Variants in NRG3 observed in about 807,000 individuals in gnomAD.
The protein encoded by NRG3 is neuregulin 3.
NRG3 carries 31 observed loss-of-function variants against 66.9 expected under a neutral mutation model. The observed-to-expected ratio is 0.46, with a 90% CI of 0.35 to 0.63. The LOEUF is 0.63. NRG3 is among the 20% of genes least tolerant of loss of function. NRG3 has a pLI of 0.00. For missense variants in NRG3, 910 were observed against 878.9 expected (o/e 1.04, Z -0.45); for synonymous variants, 393 against 359.4 (o/e 1.09, Z -1.06).
At chr10:82,055,787 T>C (rs2063818012) in intron 1 of NRG3, among the ~76,000 whole-genome samples, 1 of 152,046 alleles carries the variant, frequency 6.6e-6, no homozygotes, top group Non-Finnish European at 1.5e-5. Flanking sequence ...CAATCTTATG[T>C]CGATGAGAAG....
intron 2 of NRG3, among the ~76,000 whole-genome samples, chr10:82,472,218 T>A (rs1162798333): frequency 6.6e-6 from 1 of 152,204 alleles, no homozygotes; most frequent in Non-Finnish European, 1.5e-5. Context: ...TCCCAGAGCC[T>A]GGGGCATTGA....
intron 1 of NRG3, among the ~76,000 whole-genome samples, chr10:81,940,584 C>A (rs1035838705): frequency 2.0e-5 from 3 of 151,950 alleles, no homozygotes; most frequent in African/African-American, 4.8e-5. Context: ...TAGTCTTGAA[C>A]TCCTAGCCTC....
intron 1 of NRG3, among the ~76,000 whole-genome samples, chr10:81,929,473 C>T (rs570341655): frequency 1.5e-4 from 23 of 152,262 alleles, no homozygotes; most frequent in South Asian, 6.2e-4. Context: ...ACCCAGCGGC[C>T]GTTTTGCATG....
chr10:82,686,270 C>A (rs1175512316), intron 2 of NRG3, among the ~76,000 whole-genome samples: 3 of 151,816 alleles, frequency 2.0e-5, no homozygotes, highest in African/African-American at 7.3e-5. Context: ...TCACTGCAAC[C>A]TCTGCCTCCT....
intron 1 of NRG3, among the ~76,000 whole-genome samples, chr10:81,964,395 C>CAAAAAAA (rs58231167): frequency 4.6e-5 from 3 of 65,844 alleles, no homozygotes; most frequent in Non-Finnish European, 6.5e-5. Flanking sequence ...GACTCTGTCT[C>CAAAAAAA]AAAAAAAAAA....
chr10:82,083,816 T>G (rs933489859), intron 1 of NRG3, among the ~76,000 whole-genome samples: 3 of 151,354 alleles, frequency 2.0e-5, no homozygotes, highest in Non-Finnish European at 4.4e-5. Context: ...GGGGTTTCGC[T>G]GTGTTGGTCA....
intron 2 of NRG3, among the ~76,000 whole-genome samples, chr10:82,382,342 T>A (rs1347306809): frequency 6.6e-6 from 1 of 151,378 alleles, no homozygotes; most frequent in Non-Finnish European, 1.5e-5. Flanking sequence ...AGCTTATAGG[T>A]TTTTATGGAC....
intron 1 of NRG3, among the ~76,000 whole-genome samples, chr10:81,885,475 T>C (rs957186354): frequency 6.6e-6 from 1 of 152,166 alleles, no homozygotes; most frequent in Non-Finnish European, 1.5e-5. Flanking sequence ...AAGGGGAACA[T>C]TGGTGAGACC....
intron 1 of NRG3, among the ~76,000 whole-genome samples, chr10:82,087,678 G>T (rs2065805287): frequency 6.6e-6 from 1 of 152,084 alleles, no homozygotes; most frequent in East Asian, 1.9e-4. Context: ...GAATTTTAAA[G>T]AATGATTTAA....
intron 2 of NRG3, among the ~76,000 whole-genome samples, chr10:82,561,604 G>T (rs2133017811): frequency 6.6e-6 from 1 of 152,288 alleles, no homozygotes; most frequent in African/African-American, 2.4e-5. Context: ...AGTGGGCCAA[G>T]ATGGCACCAC....
chr10:82,629,868 C>A (rs2133709161), intron 2 of NRG3, among the ~76,000 whole-genome samples: 1 of 152,254 alleles, frequency 6.6e-6, no homozygotes, highest in African/African-American at 2.4e-5. Context: ...AAAATGATTT[C>A]CTCAAGAATA....
intron 2 of NRG3, among the ~76,000 whole-genome samples, chr10:82,370,365 C>G (rs1462612078): frequency 7.2e-6 from 1 of 138,056 alleles, no homozygotes; most frequent in East Asian, 2.2e-4. Flanking sequence ...CTGCTGAACT[C>G]CCCTCAGCAT....
intron 3 of NRG3, among the ~76,000 whole-genome samples, chr10:82,817,020 T>C (rs766776038): frequency 1.6e-4 from 24 of 152,250 alleles, no homozygotes; most frequent in Non-Finnish European, 2.2e-4. Context: ...TGTACTTATC[T>C]ATGAAGTAGA....
intron 1 of NRG3, among the ~76,000 whole-genome samples, chr10:82,264,644 A>C: frequency 6.6e-6 from 1 of 152,210 alleles, no homozygotes; most frequent in Non-Finnish European, 1.5e-5. Context: ...AAGTCGGGAA[A>C]AGGAAGATTT....
intron 1 of NRG3, among the ~76,000 whole-genome samples, chr10:82,356,921 G>A (rs1217110239): frequency 1.3e-5 from 2 of 152,148 alleles, no homozygotes; most frequent in Non-Finnish European, 1.5e-5. Context: ...AGATTTTGGA[G>A]ATATTTTTCT....
intron 1 of NRG3, among the ~76,000 whole-genome samples, chr10:81,955,547 G>T (rs1849748760): frequency 1.3e-5 from 2 of 152,278 alleles, no homozygotes; most frequent in South Asian, 4.1e-4. Context: ...ATCTTGACCT[G>T]TGGCAAATGG....
chr10:82,557,141 T>C (rs566160746), intron 2 of NRG3, among the ~76,000 whole-genome samples: 1 of 152,338 alleles, frequency 6.6e-6, no homozygotes, highest in Admixed American at 6.5e-5. Context: ...TTTCTATTCC[T>C]CTGGGTATAT....
At chr10:82,054,936 C>T (rs927635061) in intron 1 of NRG3, among the ~76,000 whole-genome samples, 2 of 151,384 alleles carry the variant, frequency 1.3e-5, no homozygotes, top group Admixed American at 6.6e-5. Flanking sequence ...TGAAATATAA[C>T]GGGAAGTTCA....
chr10:82,482,794 G>T (rs187163980), intron 2 of NRG3, among the ~76,000 whole-genome samples: 1 of 152,268 alleles, frequency 6.6e-6, no homozygotes, highest in East Asian at 1.9e-4. Flanking sequence ...CTTCATAGAG[G>T]TGCAATTATG....
Sources: allele counts gnomAD v4.1 joint callset (sites outside exome capture counted in the v4.1 genomes callset), GRCh38; gene constraint gnomAD v4.1.1; transcripts MANE v1.5; gene names NCBI Gene and HGNC (gene_info 2026-07-23, HGNC 2026-07-21).